The following SRC variants were observed in gnomAD, a reference collection of about 807,000 sequenced individuals.
The protein encoded by SRC is proto-oncogene tyrosine-protein kinase Src.
A neutral mutation model predicts 62.9 loss-of-function variants in SRC; 13 were observed. The observed-to-expected ratio is 0.21, with a 90% confidence interval of 0.13 to 0.33. SRC has a LOEUF of 0.33. SRC is among the 10% of genes least tolerant of loss of function. The pLI is 1.00. For synonymous variants in SRC, 302 were observed against 317.5 expected, an observed-to-expected ratio of 0.95 and a Z score of 0.52; for missense variants, 457 against 737.3, an observed-to-expected ratio of 0.62 and a Z score of 4.40.
chr20:37,392,830 C>T (rs560693360), intron 5 of SRC, among the ~76,000 whole-genome samples: 11 of 152,226 alleles, frequency 7.2e-5, no homozygotes, highest in Non-Finnish European at 1.2e-4. Flanking sequence ...GCTGCCCCCT[C>T]GTCCCCTGTC....
intron 2 of SRC, among the ~76,000 whole-genome samples, chr20:37,374,579 T>A (rs2147002456): frequency 6.8e-6 from 1 of 146,496 alleles, no homozygotes; most frequent in East Asian, 2.0e-4. Context: ...CTCTTTTTTT[T>A]TTTTTTTTTT....
chr20:37,382,279 C>G (rs1445130775), intron 2 of SRC, among the ~76,000 whole-genome samples: 2 of 152,204 alleles, frequency 1.3e-5, no homozygotes, highest in Non-Finnish European at 2.9e-5. Context: ...TCACAATGAC[C>G]CCATCGTTAC....
chr20:37,385,131 G>A (rs953113296), intron 4 of SRC, among the ~76,000 whole-genome samples: 2 of 152,044 alleles, frequency 1.3e-5, no homozygotes, highest in Non-Finnish European at 2.9e-5. Context: ...CACACTTGTA[G>A]CTGAAGACAC....
At position 37,405,315 on chromosome 20, in the gene SRC, G is replaced by C. The variant is rs1009266450; in HGVS notation, c.*1936G>C. ...CCCCTGGCTCTGGGCCGGGCCTGGG[G>C]CTCCGAAATTCCAAGGCCCAGACTT... On this transcript the variant is annotated 3_prime_UTR_variant, in exon 14 of 14. Transcript: ENST00000373578. 11 of 153,498 alleles carry C rather than the reference G, an allele frequency of 7.2e-5. No individual in the cohort carries two copies. Among genetic ancestry groups the C allele is most frequent in the South Asian group, 2.4e-4 (1 of 4,192 alleles). The allele number at this position is 153,498 out of a possible 1,614,324, so 9.5% of individuals were successfully genotyped here.
chr20:37,356,643 C>T lies in SRC; in HGVS notation c.-246-8561C>T, dbSNP rs1344743060. Among the ~76,000 whole-genome samples, 6 of 152,204 alleles carry T rather than the reference C, an allele frequency of 3.9e-5. No homozygotes were observed. The South Asian group carries it at 6.2e-4, about 16-fold the overall frequency. ...CAGCCCAACTGGCAGATTCCCAAGG[C>T]GCCTGGGGCATTGGGCAAGGGCTCT... On this transcript the variant is annotated intron_variant, in intron 1 of 13. Transcript: ENST00000373578.
At position 37,386,269 on chromosome 20, in the gene SRC, G is replaced by T. The variant is rs977414381; in HGVS notation, c.350+95G>T. 2.7e-5 allele frequency: 33 copies of T among 1,235,138 alleles called. No individual in the cohort carries two copies. The African/African-American group carries it at 4.3e-4, about 16-fold the overall frequency. The allele number at this position is 1,235,138 out of a possible 1,614,324, so 76.5% of individuals were successfully genotyped here. A position where few individuals can be genotyped will look rare whatever the true frequency, so the allele number is the denominator to read the frequency against. On this transcript the variant is annotated intron_variant, in intron 5 of 13. Coordinates refer to ENST00000373578, the MANE Select transcript of SRC (RefSeq NM_198291.3). ...CAGGATCTGGCATCAGGGCAGCACA[G>T]TGCAGAGCCCAGGGCAGTGCGAAGC... is the stretch of plus-strand genomic sequence containing the variant.
Position 37,398,903 on chromosome 20 carries a change from A to G in SRC, c.859+1049A>G, listed in dbSNP as rs1301298761. On this transcript the variant is annotated intron_variant, in intron 9 of 13. Transcript: ENST00000373578. The surrounding 1 kb of genome is among the most constrained non-coding windows in gnomAD (Gnocchi z 5.2). The stretch of plus-strand genomic sequence containing the variant: ...GGCCTGAGCCAGCAGGGCCACAGAG[A>G]TTGGCCTGAGCCCCAACCCTCGGAC... Among the ~76,000 whole-genome samples, 1 of 152,210 alleles carries G rather than the reference A, an allele frequency of 6.6e-6. No homozygotes were observed. The highest frequency in any genetic ancestry group is 1.5e-5 in the Non-Finnish European group (1 of 68,016).
chr20:37,358,668 C>G (rs2069920373), intron 1 of SRC, among the ~76,000 whole-genome samples: 1 of 152,234 alleles, frequency 6.6e-6, no homozygotes, highest in African/African-American at 2.4e-5. Context: ...GATAGAGGCC[C>G]CTTTTCTGCC....
At chr20:37,388,997 C>T (rs933764613) in intron 5 of SRC, among the ~76,000 whole-genome samples, 1 of 152,058 alleles carries the variant, frequency 6.6e-6, no homozygotes, top group African/African-American at 2.4e-5. Context: ...TAGCATGGGG[C>T]CCAGGCACGT....
intron 5 of SRC, chr20:37,386,619 C>G (rs1048769667): frequency 5.1e-5 from 34 of 660,970 alleles, no homozygotes; most frequent in South Asian, 2.7e-4. Context: ...TCCCCTCCCC[C>G]CTCCACCAAT....
chr20:37,398,099 C>T lies in SRC; in HGVS notation c.859+245C>T, dbSNP rs1224152790. 3.3e-5 allele frequency among the ~76,000 whole-genome samples: 5 copies of T among 152,214 alleles called. No individual in the cohort carries two copies. Among genetic ancestry groups the T allele is most frequent in the Non-Finnish European group, 7.3e-5 (5 of 68,032 alleles). ...CGCACAGGGCTGGGCATTGCACAGA[C>T]CTGCTGTGTAGGCTGGGCCCGGTGG... On this transcript the variant is annotated intron_variant, in intron 9 of 13. Coordinates refer to ENST00000373578, the MANE Select transcript of SRC (RefSeq NM_198291.3). This position sits in a 1 kb window ranked among gnomAD's most constrained non-coding sequence, Gnocchi z 5.2.
At position 37,384,353 on chromosome 20, in the gene SRC, TC is replaced by T; in HGVS notation, c.201del (p.Phe67LeufsTer20). 6.8e-7 allele frequency: 1 copy of T among 1,465,532 alleles called. No homozygotes were observed. The highest frequency in any genetic ancestry group is 9.0e-7 in the Non-Finnish European group (1 of 1,113,828). 90.8% of individuals were successfully genotyped at this position (1,465,532 alleles called of 1,614,324 possible). ...AAAEPKLFGGFNSSDTVTSPQ... is the reference protein window; with the variant it reads ...AAAEPKLFGGXNSSDTVTSPQ... ...GCCGAGCCCAAGCTGTTCGGAGGCT[TC>T]AACTCCTCGGACACCGTCACCTCCC... On this transcript the variant is annotated frameshift_variant, in exon 4 of 14. Transcript: ENST00000373578. LOFTEE classifies it high-confidence loss of function. This position sits in a 1 kb window ranked among gnomAD's most constrained non-coding sequence, Gnocchi z 6.7.
Position 37,403,399 on chromosome 20 carries a change from G to A in SRC, c.*20G>A, listed in dbSNP as rs1199680840. On this transcript the variant is annotated 3_prime_UTR_variant, in exon 14 of 14. Transcript: ENST00000373578. This position sits in a 1 kb window ranked among gnomAD's most constrained non-coding sequence, Gnocchi z 7.1. ...CTCTAGGCACAGGCGGGCCCAGACCGGCTTCTCGGCTTGGATCCTGGGCTG... is the reference window on the plus strand; with the variant it reads ...CTCTAGGCACAGGCGGGCCCAGACCAGCTTCTCGGCTTGGATCCTGGGCTG... 8.4e-6 allele frequency: 13 copies of A among 1,549,462 alleles called. No homozygotes were observed. Among genetic ancestry groups the A allele is most frequent in the African/African-American group, 1.4e-5 (1 of 73,774 alleles).
At chr20:37,395,416 G>A (rs1316657921) in intron 7 of SRC, among the ~76,000 whole-genome samples, 2 of 152,256 alleles carry the variant, frequency 1.3e-5, no homozygotes, top group Admixed American at 6.5e-5. Context: ...GCTCAGCCTT[G>A]TTCCCTGATG....
In SRC at chr20:37,390,356, G is replaced by C. The variant is rs891211390; in HGVS notation, c.351-3539G>C. Among the ~76,000 whole-genome samples, 23 of 147,680 alleles carry C rather than the reference G, an allele frequency of 1.6e-4. 1 individual carries two copies. Among genetic ancestry groups the C allele is most frequent in the Non-Finnish European group, 4.5e-5 (3 of 67,066 alleles). On this transcript the variant is annotated intron_variant, in intron 5 of 13. Transcript: ENST00000373578. ...TTTTTAGCTAAATCCAGATCTAACA[G>C]CTGATGCATGTTGTGCTGGGCTCTG...
At position 37,384,543 on chromosome 20, in the gene SRC, C is replaced by CGGGGGGG. The variant is rs1242378998; in HGVS notation, c.250+146_250+147insGGGGGGG. 5 of 159,528 alleles carry CGGGGGGG rather than the reference C, an allele frequency of 3.1e-5. No homozygotes were observed. The highest frequency in any genetic ancestry group is 2.6e-4 in the African/African-American group (5 of 19,582). 9.9% of individuals were successfully genotyped at this position (159,528 alleles called of 1,614,324 possible). ...AGCGCCCCTGGGTGACTTGGGTGTC[C>CGGGGGGG]GGGGGGTGGGGGGGCGGCCGTACAC... On this transcript the variant is annotated intron_variant, in intron 4 of 13. Transcript: ENST00000373578. The surrounding 1 kb of genome is among the most constrained non-coding windows in gnomAD (Gnocchi z 6.7).
At chr20:37,356,435 G>T (rs901263167) in intron 1 of SRC, among the ~76,000 whole-genome samples, 8 of 152,164 alleles carry the variant, frequency 5.3e-5, no homozygotes, top group African/African-American at 1.4e-4. Context: ...GGTGGCCCTG[G>T]TGGCCGCACT....
At chr20:37,356,579 G>A (rs756721235) in intron 1 of SRC, among the ~76,000 whole-genome samples, 1 of 152,136 alleles carries the variant, frequency 6.6e-6, no homozygotes, top group South Asian at 2.1e-4. Context: ...TCCTTTCCTC[G>A]AAGACGCCTG....
At chr20:37,369,258 G>T (rs188801212) in intron 2 of SRC, among the ~76,000 whole-genome samples, 1 of 152,244 alleles carries the variant, frequency 6.6e-6, no homozygotes, top group East Asian at 1.9e-4. Flanking sequence ...GACCAATTGG[G>T]GAGTATTGCC....
Sources: allele counts gnomAD v4.1 joint callset (sites outside exome capture counted in the v4.1 genomes callset), GRCh38; gene constraint gnomAD v4.1.1; non-coding constraint Gnocchi (gnomAD v3.1); transcripts MANE v1.5; gene names NCBI Gene and HGNC (gene_info 2026-07-23, HGNC 2026-07-21).